Variants in LEPR observed in about 807,000 individuals in gnomAD.
The protein encoded by LEPR is leptin receptor.
In LEPR, 56 loss-of-function variants were observed where a neutral mutation model predicts 114.7. That is an observed-to-expected ratio of 0.49 (90% CI 0.39 to 0.61). LEPR has a LOEUF of 0.61. Ranked by LOEUF, LEPR falls within the 20% of genes least tolerant of loss-of-function variation. LEPR has a pLI of 0.00. For missense variants in LEPR, 1,202 were observed against 1,352.9 expected (o/e 0.89, Z 1.75); for synonymous variants, 443 against 461.4 (o/e 0.96, Z 0.51).
rs372936080 is a variant in LEPR at position 65,634,878 on chromosome 1, GA to G, written c.2674-1303del. 2.5e-4 allele frequency: 198 copies of G among 791,430 alleles called. 1 individual carries two copies. The highest frequency in any genetic ancestry group is 1.4e-3 in the Middle Eastern group (2 of 1,448). The allele number at this position is 791,430 out of a possible 1,614,324, so 49.0% of individuals were successfully genotyped here. On this transcript the variant is annotated intron_variant, in intron 19 of 19. Transcript: ENST00000349533. Reference sequence around the variant, plus strand: ...TGTATAAAACCATAGATTTCTTTCAGAAAAAAAAAACAGGCATAGGAACAGT... The same window carrying G: ...TGTATAAAACCATAGATTTCTTTCAGAAAAAAAAACAGGCATAGGAACAGT...
At chr1:65,486,127 GTTCA>G (rs1197611531) in intron 2 of LEPR, among the ~76,000 whole-genome samples, 3 of 152,120 alleles carry the variant, frequency 2.0e-5, no homozygotes, top group Admixed American at 1.3e-4. Context: ...CTAACAGATA[GTTCA>G]TTCAGCCGTT....
At chr1:65,605,445 G>A (rs1656747347) in intron 11 of LEPR, among the ~76,000 whole-genome samples, 1 of 152,074 alleles carries the variant, frequency 6.6e-6, no homozygotes, top group Non-Finnish European at 1.5e-5. Flanking sequence ...ACTTTTTTTA[G>A]CAATAGGAAT....
chr1:65,585,128 A>G (rs1277400036), intron 5 of LEPR, among the ~76,000 whole-genome samples: 1 of 152,092 alleles, frequency 6.6e-6, no homozygotes, highest in Non-Finnish European at 1.5e-5. Context: ...AGTCTGGGAC[A>G]ATAACTCAGT....
chr1:65,539,673 T>C (rs964462578), intron 2 of LEPR, among the ~76,000 whole-genome samples: 27 of 152,370 alleles, frequency 1.8e-4, no homozygotes, highest in African/African-American at 6.0e-4. Context: ...TTGAGGAATT[T>C]CCACTTAATA....
intron 2 of LEPR, among the ~76,000 whole-genome samples, chr1:65,493,649 C>G (rs911656062): frequency 1.2e-4 from 18 of 152,170 alleles, no homozygotes; most frequent in Admixed American, 6.6e-4. Flanking sequence ...ATCTGCAGAA[C>G]TTTTTTCATC....
chr1:65,539,432 T>A (rs1454209305), intron 2 of LEPR, among the ~76,000 whole-genome samples: 1 of 152,156 alleles, frequency 6.6e-6, no homozygotes, highest in Non-Finnish European at 1.5e-5. Context: ...ATATGGGCAG[T>A]GTTTTATCAA....
At chr1:65,509,692 GA>G (rs1303166023) in intron 2 of LEPR, among the ~76,000 whole-genome samples, 1 of 152,128 alleles carries the variant, frequency 6.6e-6, no homozygotes, top group Non-Finnish European at 1.5e-5. Context: ...AATATTGAGT[GA>G]AAAGGAATTA....
intron 2 of LEPR, among the ~76,000 whole-genome samples, chr1:65,487,563 A>G (rs1380393877): frequency 6.6e-6 from 1 of 152,106 alleles, no homozygotes; most frequent in Non-Finnish European, 1.5e-5. Flanking sequence ...GTTGTACCAG[A>G]GTAAAGAAAA....
chr1:65,599,776 T>C (rs1656320857), intron 8 of LEPR, among the ~76,000 whole-genome samples: 1 of 152,136 alleles, frequency 6.6e-6, no homozygotes, highest in Non-Finnish European at 1.5e-5. Context: ...AAAACCATTA[T>C]TGTTTTCTTA....
chr1:65,496,467 G>A (rs1321108794), intron 2 of LEPR, among the ~76,000 whole-genome samples: 1 of 151,948 alleles, frequency 6.6e-6, no homozygotes, highest in Non-Finnish European at 1.5e-5. Flanking sequence ...GTCCCTGCCA[G>A]TTGGGAGGCT....
chr1:65,516,481 A>C (rs761536302), intron 2 of LEPR, among the ~76,000 whole-genome samples: 1 of 152,256 alleles, frequency 6.6e-6, no homozygotes, highest in Admixed American at 6.5e-5. Context: ...ACCAAAAAAA[A>C]CTACTTTCCA....
chr1:65,463,786 T>C (rs1025752839), intron 2 of LEPR, among the ~76,000 whole-genome samples: 1 of 152,216 alleles, frequency 6.6e-6, no homozygotes, highest in East Asian at 1.9e-4. Context: ...TTTGTATTAA[T>C]TGTGAATGGG....
At chr1:65,620,209 A>G (rs1432415776) in intron 17 of LEPR, among the ~76,000 whole-genome samples, 186 bp downstream of exon 17, 3 of 152,316 alleles carry the variant, frequency 2.0e-5, no homozygotes, top group East Asian at 3.9e-4. Context: ...CTGGAGCTAT[A>G]GAAATAGAGT....
chr1:65,430,443 TATA>T (rs1172288362), intron 2 of LEPR: 1 of 156,024 alleles, frequency 6.4e-6, no homozygotes, highest in Non-Finnish European at 1.4e-5. Flanking sequence ...CTCAACTCAG[TATA>T]ATAGGTATAT....
intron 5 of LEPR, among the ~76,000 whole-genome samples, chr1:65,584,832 C>CT (rs2100863590): frequency 6.6e-6 from 1 of 152,108 alleles, no homozygotes; most frequent in East Asian, 1.9e-4. Context: ...TTGCATTCTT[C>CT]TTTTTTTCCC....
At chr1:65,604,893 G>C (rs1406179384) in intron 10 of LEPR, 145 bp from the exon 11 acceptor site, 3 of 874,418 alleles carry the variant, frequency 3.4e-6, no homozygotes, top group African/African-American at 3.4e-5. Flanking sequence ...TCCCCCATTA[G>C]TGGAAAAATT....
chr1:65,532,686 A>AT lies in LEPR; in HGVS notation c.-20-32860_-20-32859insT, dbSNP rs201471976. ...ATGAAGTGCTGATAAATGCTTCAAC[A>AT]CGATGATCCTTGAAAACATGATGCT... On this transcript the variant is annotated intron_variant, in intron 2 of 19. Transcript: ENST00000349533. 6.1e-3 allele frequency among the ~76,000 whole-genome samples: 918 copies of AT among 151,730 alleles called. 12 individuals are homozygous for AT. The highest frequency in any genetic ancestry group is 0.021 in the African/African-American group (883 of 41,178).
intron 2 of LEPR, among the ~76,000 whole-genome samples, chr1:65,519,101 G>T (rs1570598813): frequency 8.3e-5 from 8 of 96,644 alleles, no homozygotes; most frequent in Admixed American, 2.4e-4. Flanking sequence ...CATCCTCTGT[G>T]TCTCTCTCTC....
At chr1:65,516,250 T>C (rs1409487328) in intron 2 of LEPR, among the ~76,000 whole-genome samples, 1 of 152,006 alleles carries the variant, frequency 6.6e-6, no homozygotes, top group East Asian at 1.9e-4. Context: ...CTGGCTAACA[T>C]GGTGAAACCC....
Sources: gnomAD v4.1 joint callset for allele counts (sites outside exome capture counted in the v4.1 genomes callset) on GRCh38, gnomAD v4.1.1 for gene constraint, MANE v1.5 for transcripts, NCBI Gene and HGNC (gene_info 2026-07-23, HGNC 2026-07-21) for gene names.